MYO18B: variants seen among roughly 807,000 people sequenced by gnomAD.
MYO18B encodes the protein myosin XVIIIB, also known as unconventional myosin-XVIIIb.
In MYO18B, 204 loss-of-function variants were observed where a neutral mutation model predicts 273.0. The observed-to-expected ratio is 0.75, with a 90% CI of 0.67 to 0.84. The LOEUF (loss-of-function observed/expected upper bound fraction) is 0.84. Among genes scored for constraint, MYO18B ranks in the 40% least tolerant of loss-of-function variants. The probability of loss-of-function intolerance (pLI) is 0.00; values close to 1 mark genes in which losing one functional copy is unlikely to be tolerated. For synonymous variants in MYO18B, 1,330 were observed against 1,305.7 expected (o/e 1.02, Z -0.40); for missense variants, 3,212 against 3,287.6 (o/e 0.98, Z 0.56).
intron 16 of MYO18B, among the ~76,000 whole-genome samples, chr22:25,834,261 C>G (rs2089819277): frequency 6.6e-6 from 1 of 152,042 alleles, no homozygotes; most frequent in Non-Finnish European, 1.5e-5. Context: ...ATTCTCGTGC[C>G]TCAGCCTCCT....
chr22:25,947,509 C>G (rs921589672), intron 35 of MYO18B, among the ~76,000 whole-genome samples: 30 of 141,416 alleles, frequency 2.1e-4, no homozygotes, highest in Admixed American at 4.8e-4. Flanking sequence ...CACACACACA[C>G]ACACACACAC....
chr22:25,923,882 T>A (rs79451054), intron 34 of MYO18B, among the ~76,000 whole-genome samples: 1 of 152,174 alleles, frequency 6.6e-6, no homozygotes, highest in African/African-American at 2.4e-5. Context: ...CTTTTTTTTT[T>A]ATTAAGTATT....
intron 7 of MYO18B, among the ~76,000 whole-genome samples, chr22:25,773,176 C>T (rs1173596479): frequency 1.3e-5 from 2 of 152,150 alleles, no homozygotes; most frequent in East Asian, 1.9e-4. Context: ...AGCGTGGGCC[C>T]CTTCATTCCT....
chr22:25,818,681 C>T (rs2089147779), intron 12 of MYO18B, among the ~76,000 whole-genome samples: 1 of 152,182 alleles, frequency 6.6e-6, no homozygotes, highest in African/African-American at 2.4e-5. Flanking sequence ...CAAGAACCTG[C>T]AGGGGAAGTC....
At chr22:26,015,457 A>C (rs956403101) in intron 42 of MYO18B, among the ~76,000 whole-genome samples, 7 of 152,232 alleles carry the variant, frequency 4.6e-5, no homozygotes, top group Non-Finnish European at 2.9e-5. Flanking sequence ...ATGCTATGGA[A>C]TACTATGCAG....
intron 25 of MYO18B, among the ~76,000 whole-genome samples, chr22:25,886,990 A>G (rs2091519241): frequency 1.3e-5 from 2 of 152,236 alleles, no homozygotes; most frequent in African/African-American, 2.4e-5. Flanking sequence ...GCATTTCAAG[A>G]GTGTGAGCTG....
intron 21 of MYO18B, among the ~76,000 whole-genome samples, chr22:25,855,423 T>A (rs1222941306): frequency 1.3e-5 from 2 of 151,772 alleles, no homozygotes; most frequent in Non-Finnish European, 2.9e-5. Flanking sequence ...AGCTGGAACT[T>A]CAGGCGCCCG....
chr22:25,824,177 G>A (rs2089399259), intron 13 of MYO18B, among the ~76,000 whole-genome samples: 2 of 152,202 alleles, frequency 1.3e-5, no homozygotes, highest in African/African-American at 4.8e-5. Flanking sequence ...TAGGCAGGGG[G>A]ATGGCATGAT....
chr22:25,894,387 G>T (rs900724209), intron 27 of MYO18B, among the ~76,000 whole-genome samples: 1 of 152,130 alleles, frequency 6.6e-6, no homozygotes, highest in Non-Finnish European at 1.5e-5. Context: ...TCCACTTGTG[G>T]AATGTTTTCC....
rs150573967 is a variant in MYO18B at position 25,920,720 on chromosome 22, C to T, written c.5365-537C>T. ...CAAATACAGAGTACTCCGTATCCCA[C>T]GTGTACAGCTCAGTGAATTTTCATA... On this transcript the variant is annotated intron_variant, in intron 33 of 43. Transcript: ENST00000335473. Among the ~76,000 whole-genome samples, 42 of 152,332 alleles carry T rather than the reference C, an allele frequency of 2.8e-4. 1 individual carries two copies. In the East Asian group the frequency reaches 7.3e-3, roughly 27 times the overall value.
intron 1 of MYO18B, among the ~76,000 whole-genome samples, chr22:25,760,129 T>A (rs2086255448): frequency 6.6e-6 from 1 of 152,066 alleles, no homozygotes; most frequent in African/African-American, 2.4e-5. Context: ...GAATAGTGGT[T>A]TCCTGGCTGG....
chr22:25,889,177 A>AT (rs11302476), intron 25 of MYO18B, among the ~76,000 whole-genome samples: 3,101 of 151,800 alleles, frequency 0.02, 111 homozygotes, highest in African/African-American at 0.068. Context: ...TTGGGGATAT[A>AT]TTTTTTTTAT....
chr22:26,055,497 C>T, the MYO18B span, among the ~76,000 whole-genome samples: 2 of 152,302 alleles, frequency 1.3e-5, no homozygotes, highest in Non-Finnish European at 2.9e-5. Flanking sequence ...CTGATGGCTT[C>T]CCTGAAAAGG....
At chr22:25,925,774 GC>G in intron 34 of MYO18B, among the ~76,000 whole-genome samples, 1 of 151,516 alleles carries the variant, frequency 6.6e-6, no homozygotes, top group South Asian at 2.1e-4. Context: ...GTGTGGTGGT[GC>G]ATGACTGTAA....
intron 34 of MYO18B, among the ~76,000 whole-genome samples, chr22:25,937,285 T>C (rs1280172922): frequency 6.6e-6 from 1 of 151,920 alleles, no homozygotes; most frequent in Non-Finnish European, 1.5e-5. Flanking sequence ...GGTCTTACCA[T>C]GTTGCCCAGG....
the MYO18B span, among the ~76,000 whole-genome samples, chr22:26,042,030 G>C: frequency 6.6e-6 from 1 of 152,308 alleles, no homozygotes; most frequent in East Asian, 1.9e-4. Context: ...TCCACCCTAA[G>C]GAGCCAGAGA....
At chr22:25,893,766 T>TCCATCCACCCATCCACCCATCCAC (rs552222193) in intron 27 of MYO18B, among the ~76,000 whole-genome samples, 1 of 151,396 alleles carries the variant, frequency 6.6e-6, no homozygotes, top group Non-Finnish European at 1.5e-5. Context: ...CATCTATCCA[T>TCCATCCACCCATCCACCCATCCAC]CCATCCACCC....
intron 40 of MYO18B, among the ~76,000 whole-genome samples, chr22:25,999,534 TCCCCCTCTTCCCCCTCCCCCTCTTCCC>T (rs1933697721): frequency 8.1e-5 from 1 of 12,296 alleles, no homozygotes; most frequent in African/African-American, 4.0e-4. Context: ...CTCCCCCTCC[TCCCCCTCTTCCCCCTCCCCCTCTTCCC>T]CCTCCTCCTC....
intron 17 of MYO18B, 113 bp from the exon 18 acceptor site, chr22:25,843,622 C>T (rs760649961): frequency 1.0e-4 from 115 of 1,099,208 alleles, no homozygotes; most frequent in Non-Finnish European, 4.2e-5. Context: ...CGACCATGAG[C>T]GTTAGCTATC....
Sources: allele counts gnomAD v4.1 joint callset (sites outside exome capture counted in the v4.1 genomes callset), GRCh38; gene constraint gnomAD v4.1.1; transcripts MANE v1.5; gene names NCBI Gene and HGNC (gene_info 2026-07-23, HGNC 2026-07-21).